The following GREB1L variants were observed in gnomAD, a reference collection of about 807,000 sequenced individuals.
GREB1L encodes the protein GREB1 like retinoic acid receptor coactivator.
A neutral mutation model predicts 200.8 loss-of-function variants in GREB1L; 17 were observed. The ratio of observed to expected loss-of-function variants is 0.08; its 90% confidence interval spans 0.06 to 0.13. The LOEUF (loss-of-function observed/expected upper bound fraction) is 0.13, where lower values mean the gene tolerates loss of function less well. Among genes scored for constraint, GREB1L ranks in the 10% least tolerant of loss-of-function variants. The pLI, the probability that GREB1L is intolerant of heterozygous loss-of-function variation, is 1.00. For missense variants in GREB1L, 1,657 were observed against 2,367.7 expected, an observed-to-expected ratio of 0.70 and a Z score of 6.23; for synonymous variants, 789 against 893.0, an observed-to-expected ratio of 0.88 and a Z score of 2.08.
At chr18:21,449,970 C>T (rs1048099635) in intron 12 of GREB1L, 134 bp downstream of exon 12, 1 of 732,976 alleles carries the variant, frequency 1.4e-6, no homozygotes, top group East Asian at 2.8e-5. Context: ...GGCTCATCCT[C>T]CTAATTTTAA....
chr18:21,463,568 AAAAAAGAAAAATC>A lies in GREB1L; in HGVS notation c.2182+9006_2182+9018del, dbSNP rs759664232. Among the ~76,000 whole-genome samples the A allele has an allele frequency of 1.2e-4, 19 of 152,130 alleles. No individual in the cohort carries two copies. The East Asian group carries it at 3.1e-3, about 25-fold the overall frequency. ...AATGAAAGGGTGAAGTCATAATTTG[AAAAAAGAAAAATC>A]CTCCTGTCCACTGAAAGACAGGGTC... On this transcript the variant is annotated intron_variant, in intron 15 of 32. Transcript: ENST00000424526.
chr18:21,264,960 C>G (rs184038044), intron 1 of GREB1L, among the ~76,000 whole-genome samples: 8 of 152,242 alleles, frequency 5.3e-5, no homozygotes, highest in African/African-American at 1.9e-4. Flanking sequence ...GAAATGATGT[C>G]CTGACAGTGT....
intron 4 of GREB1L, among the ~76,000 whole-genome samples, chr18:21,386,192 C>A (rs1187041304): frequency 1.3e-5 from 2 of 152,104 alleles, no homozygotes; most frequent in Non-Finnish European, 2.9e-5. Flanking sequence ...ACTTTTGGTT[C>A]TTATAATTAA....
chr18:21,463,134 C>CTTTTTTTT (rs11355874), intron 15 of GREB1L, among the ~76,000 whole-genome samples: 5 of 55,682 alleles, frequency 9.0e-5, no homozygotes, highest in Non-Finnish European at 1.2e-4. Flanking sequence ...CTTAATGGTT[C>CTTTTTTTT]TTTTTTTTTT....
At chr18:21,473,294 G>C in intron 16 of GREB1L, 83 bp downstream of exon 16, 1 of 1,108,244 alleles carries the variant, frequency 9.0e-7, no homozygotes, top group African/African-American at 1.6e-5. Context: ...AGATGGCCAG[G>C]CGCGGTGGCT....
chr18:21,417,903 C>T (rs1272528303), intron 7 of GREB1L, among the ~76,000 whole-genome samples: 4 of 151,378 alleles, frequency 2.6e-5, no homozygotes, highest in Non-Finnish European at 5.9e-5. Context: ...ATGGCATGAA[C>T]CCGGGAGGTG....
intron 2 of GREB1L, among the ~76,000 whole-genome samples, chr18:21,371,000 T>A (rs916491739): frequency 1.3e-5 from 2 of 152,060 alleles, no homozygotes; most frequent in African/African-American, 4.8e-5. Flanking sequence ...GCAGGAGAAT[T>A]GCTTGAGCCC....
intron 1 of GREB1L, among the ~76,000 whole-genome samples, chr18:21,284,979 T>C (rs1252679288): frequency 1.3e-5 from 2 of 152,206 alleles, no homozygotes; most frequent in African/African-American, 4.8e-5. Flanking sequence ...TATGTCTTTT[T>C]TGGAGAAATA....
intron 7 of GREB1L, among the ~76,000 whole-genome samples, chr18:21,420,675 A>G (rs2032077420): frequency 6.6e-6 from 1 of 152,200 alleles, no homozygotes; most frequent in South Asian, 2.1e-4. Context: ...GTAGAACTCT[A>G]ATGCAGTGCT....
At chr18:21,315,882 C>T (rs775746223) in intron 1 of GREB1L, among the ~76,000 whole-genome samples, 6 of 152,110 alleles carry the variant, frequency 3.9e-5, no homozygotes, top group East Asian at 1.9e-4. Context: ...GTTTCAGCCC[C>T]GCAGCAAGAG....
At chr18:21,298,046 T>G (rs1244238754) in intron 1 of GREB1L, among the ~76,000 whole-genome samples, 6 of 152,172 alleles carry the variant, frequency 3.9e-5, no homozygotes, top group South Asian at 2.1e-4. Context: ...GGCTTGCTTT[T>G]GTGGAATCAG....
At chr18:21,416,109 G>C (rs568449891) in intron 7 of GREB1L, among the ~76,000 whole-genome samples, 1 of 152,256 alleles carries the variant, frequency 6.6e-6, no homozygotes, top group South Asian at 2.1e-4. Flanking sequence ...AAGTTAAGTA[G>C]ACATGACAGA....
intron 2 of GREB1L, 70 bp downstream of exon 2, chr18:21,366,206 G>T (rs1243684116): frequency 6.6e-6 from 1 of 151,994 alleles, no homozygotes; most frequent in African/African-American, 2.4e-5. Context: ...GTTGTATTTA[G>T]AATTCAAATA....
At chr18:21,361,864 G>C (rs962885443) in intron 1 of GREB1L, among the ~76,000 whole-genome samples, 1 of 152,100 alleles carries the variant, frequency 6.6e-6, no homozygotes, top group African/African-American at 2.4e-5. Context: ...CTGCAGTGGA[G>C]CTGTCATTTC....
At chr18:21,496,095 C>G (rs1481387587) in intron 20 of GREB1L, among the ~76,000 whole-genome samples, 1 of 152,082 alleles carries the variant, frequency 6.6e-6, no homozygotes, top group Non-Finnish European at 1.5e-5. Flanking sequence ...TCCTGCACCC[C>G]TCAAGGATCT....
chr18:21,246,235 G>T (rs1188713504), intron 1 of GREB1L, among the ~76,000 whole-genome samples: 1 of 152,084 alleles, frequency 6.6e-6, no homozygotes, highest in African/African-American at 2.4e-5. Context: ...AGCTTACTAA[G>T]ATGTAAAATG....
intron 2 of GREB1L, among the ~76,000 whole-genome samples, chr18:21,372,794 G>A (rs1335677311): frequency 1.3e-5 from 2 of 152,218 alleles, no homozygotes; most frequent in East Asian, 2.0e-4. Context: ...GATGGCGGGC[G>A]CCTGTAATCC....
At chr18:21,413,561 G>A (rs1248313229) in intron 7 of GREB1L, among the ~76,000 whole-genome samples, 2 of 152,064 alleles carry the variant, frequency 1.3e-5, no homozygotes, top group Admixed American at 6.6e-5. Flanking sequence ...CTGAGAACAC[G>A]CGGGGTTTTC....
At chr18:21,391,106 A>G (rs1164225744) in intron 4 of GREB1L, among the ~76,000 whole-genome samples, 3 of 152,242 alleles carry the variant, frequency 2.0e-5, no homozygotes, top group Non-Finnish European at 4.4e-5. Flanking sequence ...TACAAAGTGT[A>G]CAGTAATGTC....
Sources: gnomAD v4.1 joint callset for allele counts (sites outside exome capture counted in the v4.1 genomes callset) on GRCh38, gnomAD v4.1.1 for gene constraint, MANE v1.5 for transcripts, NCBI Gene and HGNC (gene_info 2026-07-23, HGNC 2026-07-21) for gene names.